The following CTNNA3 variants were observed in gnomAD, a reference collection of about 807,000 sequenced individuals.
CTNNA3 encodes catenin alpha 3.
In CTNNA3, 76 loss-of-function variants were observed where a neutral mutation model predicts 95.7. The ratio of observed to expected loss-of-function variants is 0.79; its 90% CI spans 0.66 to 0.96. The LOEUF (loss-of-function observed/expected upper bound fraction) is 0.96, where lower values mean the gene tolerates loss of function less well. Ranked by LOEUF, CTNNA3 falls within the 40% of genes least tolerant of loss-of-function variation. The pLI, the probability that CTNNA3 is intolerant of heterozygous loss-of-function variation, is 0.00. For synonymous variants in CTNNA3, 431 were observed against 374.4 expected, an observed-to-expected ratio of 1.15 and a Z score of -1.74; for missense variants, 1,191 against 1,089.8, an observed-to-expected ratio of 1.09 and a Z score of -1.31.
intron 15 of CTNNA3, among the ~76,000 whole-genome samples, chr10:65,998,024 A>C (rs1306706249): frequency 6.6e-6 from 1 of 152,198 alleles, no homozygotes; most frequent in Non-Finnish European, 1.5e-5. Flanking sequence ...CAAAAAAAAC[A>C]AAAAAGAACT....
chr10:67,605,545 CTG>C (rs1401553811), intron 3 of CTNNA3, among the ~76,000 whole-genome samples: 9 of 152,168 alleles, frequency 5.9e-5, no homozygotes, highest in South Asian at 2.1e-4. Context: ...AAATGGGTAA[CTG>C]TGAGATTATG....
intron 5 of CTNNA3, among the ~76,000 whole-genome samples, chr10:67,496,386 C>T (rs780291605): frequency 2.0e-5 from 3 of 152,116 alleles, no homozygotes; most frequent in Non-Finnish European, 2.9e-5. Flanking sequence ...ACTGAAGCCA[C>T]GTTCCCAGCC....
At chr10:66,379,437 T>G (rs2092820047) in intron 11 of CTNNA3, 85 bp from the exon 12 acceptor site, 1 of 1,134,722 alleles carries the variant, frequency 8.8e-7, no homozygotes, top group South Asian at 1.4e-5. Context: ...TATGTTAACT[T>G]CTGACTTCAG....
intron 5 of CTNNA3, among the ~76,000 whole-genome samples, chr10:67,359,443 C>T (rs1385054546): frequency 6.6e-6 from 1 of 151,878 alleles, no homozygotes; most frequent in Non-Finnish European, 1.5e-5. Flanking sequence ...GTAGGAAGCT[C>T]GATGAGATTC....
intron 15 of CTNNA3, among the ~76,000 whole-genome samples, chr10:65,997,250 G>C (rs561417871): frequency 6.6e-6 from 1 of 152,248 alleles, no homozygotes; most frequent in African/African-American, 2.4e-5. Flanking sequence ...TGAGAGTATT[G>C]CTGAGATGAG....
intron 14 of CTNNA3, among the ~76,000 whole-genome samples, chr10:66,088,795 C>G (rs773828217): frequency 6.6e-6 from 1 of 151,962 alleles, no homozygotes; most frequent in Non-Finnish European, 1.5e-5. Flanking sequence ...TTTTCATTTG[C>G]ATTTTTGTAA....
intron 9 of CTNNA3, among the ~76,000 whole-genome samples, chr10:66,682,018 G>A (rs764334097): frequency 2.0e-5 from 3 of 152,196 alleles, no homozygotes; most frequent in Non-Finnish European, 2.9e-5. Context: ...ACCTGTGGGC[G>A]TGTCAGGTCC....
chr10:66,044,832 C>G (rs1377757970), intron 15 of CTNNA3, among the ~76,000 whole-genome samples: 2 of 152,158 alleles, frequency 1.3e-5, no homozygotes, highest in Non-Finnish European at 2.9e-5. Context: ...TCACTCTGTA[C>G]CATACATTTT....
intron 5 of CTNNA3, among the ~76,000 whole-genome samples, chr10:67,232,878 A>G (rs1865284521): frequency 6.6e-6 from 1 of 152,074 alleles, no homozygotes; most frequent in Admixed American, 6.5e-5. Flanking sequence ...CTGATAAAAC[A>G]GACTTTAAAC....
rs909719150 is a variant in CTNNA3, at chr10:66,524,297, T to C, written c.1375-3524A>G. Among the ~76,000 whole-genome samples the C allele has an allele frequency of 9.5e-5, 14 of 147,478 alleles. No homozygotes were observed. The East Asian group carries it at 3.2e-3, about 33-fold the overall frequency. On this transcript the variant is annotated intron_variant, in intron 10 of 17. Transcript: ENST00000433211. The stretch of plus-strand genomic sequence containing the variant: ...GAGCTCCATTATAGGAGGGACTATG[T>C]ATTATTCATCTTTGCTTCTTGGTAT...
At chr10:66,563,540 G>C (rs1389870190) in intron 10 of CTNNA3, among the ~76,000 whole-genome samples, 1 of 152,018 alleles carries the variant, frequency 6.6e-6, no homozygotes, top group Non-Finnish European at 1.5e-5. Flanking sequence ...ATATGAGAAA[G>C]AAAAATAAAT....
At chr10:65,997,197 A>C (rs1265677109) in intron 15 of CTNNA3, among the ~76,000 whole-genome samples, 2 of 152,182 alleles carry the variant, frequency 1.3e-5, no homozygotes, top group African/African-American at 4.8e-5. Context: ...AGACTTACCT[A>C]AGTAAATCCA....
chr10:67,454,448 A>G (rs1847098383), intron 5 of CTNNA3, among the ~76,000 whole-genome samples: 2 of 152,202 alleles, frequency 1.3e-5, no homozygotes. Context: ...AAGAAGAACT[A>G]AAGCAATCTA....
At chr10:65,937,653 C>T (rs1352751552) in intron 17 of CTNNA3, among the ~76,000 whole-genome samples, 2 of 152,080 alleles carry the variant, frequency 1.3e-5, no homozygotes, top group Admixed American at 6.6e-5. Context: ...CACTGTACTC[C>T]TATTATAGCA....
Position 66,393,382 on chromosome 10 carries a change from T to C in CTNNA3, c.1532-14030A>G, listed in dbSNP as rs931101718. Among the ~76,000 whole-genome samples the C allele has an allele frequency of 2.0e-5, 3 of 152,082 alleles. No individual in the cohort carries two copies. In the East Asian group the frequency reaches 5.8e-4, roughly 29 times the overall value. ...AACGGTAGGATTTACATAATAATAA[T>C]GTATCAGTATTGGTTCATCAATAGT... On this transcript the variant is annotated intron_variant, in intron 11 of 17. Coordinates refer to ENST00000433211, the MANE Select transcript of CTNNA3 (RefSeq NM_013266.4).
chr10:66,621,780 G>A lies in CTNNA3; in HGVS notation c.1286C>T (p.Ala429Val), dbSNP rs749128405. 6.2e-7 allele frequency: 1 copy of A among 1,601,400 alleles called. No homozygotes were observed. The highest frequency in any genetic ancestry group is 1.1e-5 in the South Asian group (1 of 88,810). The change falls in exon 10 of 18, where the codon GCA (alanine) becomes GTA (valine). Residue 429 changes from alanine to valine, a missense_variant. Transcript: ENST00000433211. ...TGTTGACATGGAACAAGCAAGATTT[G>A]CCACCTTAAATACAATCCAAAATAA... ...HEHTSRLVEV[A>V]NLACSMSTNE... is the part of the protein sequence containing the mutation.
At chr10:67,566,043 G>GTGTATATATATATATATATATATATA (rs1274109672) in intron 3 of CTNNA3, among the ~76,000 whole-genome samples, 24 of 26,944 alleles carry the variant, frequency 8.9e-4, no homozygotes, top group South Asian at 2.1e-3. Flanking sequence ...ATGTGTGTGT[G>GTGTATATATATATATATATATATATA]TATATATATA....
intron 10 of CTNNA3, among the ~76,000 whole-genome samples, chr10:66,552,172 G>A (rs1384023941): frequency 6.6e-6 from 1 of 151,990 alleles, no homozygotes; most frequent in Non-Finnish European, 1.5e-5. Context: ...CAAGGTGCTG[G>A]GATTATAGGC....
Position 66,856,879 on chromosome 10 carries a change from C to A in CTNNA3, c.1048-81355G>T, listed in dbSNP as rs138381068. Among the ~76,000 whole-genome samples, 337 of 152,134 alleles carry A rather than the reference C, an allele frequency of 2.2e-3. 3 individuals are homozygous for A. The highest frequency in any genetic ancestry group is 6.9e-3 in the African/African-American group (288 of 41,538). On this transcript the variant is annotated intron_variant, in intron 7 of 17. Coordinates refer to ENST00000433211, the MANE Select transcript of CTNNA3 (RefSeq NM_013266.4). ...TGTCTGTTTACTCTTTCAATAGTTT[C>A]TTTTGCTGTGCAGAAGCTCTTTAGT... is the stretch of plus-strand genomic sequence containing the variant.
Sources: gnomAD v4.1 joint callset for allele counts (sites outside exome capture counted in the v4.1 genomes callset) on GRCh38, gnomAD v4.1.1 for gene constraint, MANE v1.5 for transcripts, NCBI Gene and HGNC (gene_info 2026-07-23, HGNC 2026-07-21) for gene names.